Variants in CFAP47 observed in about 807,000 individuals in gnomAD.
CFAP47 encodes the protein cilia- and flagella-associated protein 47.
A neutral mutation model predicts 148.1 loss-of-function variants in CFAP47; 29 were observed. That is an observed-to-expected ratio of 0.20 (90% CI 0.15 to 0.27). CFAP47 has a LOEUF of 0.27. Among genes scored for constraint, CFAP47 ranks in the 10% least tolerant of loss-of-function variants. The pLI is 1.00. For synonymous variants in CFAP47, 664 were observed against 577.3 expected, an observed-to-expected ratio of 1.15 and a Z score of -2.15; for missense variants, 1,872 against 1,697.5, an observed-to-expected ratio of 1.10 and a Z score of -1.81.
At chrX:36,049,146 A>G (rs1321521814) in intron 26 of CFAP47, among the ~76,000 whole-genome samples, 2 of 110,857 alleles carry the variant, frequency 1.8e-5, no homozygotes, top group East Asian at 5.6e-4. Context: ...AATCCGCACA[A>G]TAGTCCTGAG....
intron 11 of CFAP47, 77 bp downstream of exon 11, chrX:35,971,000 T>G (rs1276092432): frequency 5.1e-6 from 4 of 789,301 alleles, no homozygotes; most frequent in African/African-American, 2.2e-5. Flanking sequence ...AACTCCTTGG[T>G]TTCTTTTTAT....
intron 32 of CFAP47, among the ~76,000 whole-genome samples, chrX:36,102,673 C>T (rs1938396364): frequency 9.0e-6 from 1 of 111,337 alleles, no homozygotes; most frequent in Admixed American, 9.5e-5. Flanking sequence ...GAATCCTGAG[C>T]CAGTTCAGGT....
At chrX:35,966,208 TAGCTGC>T (rs1936399768) in intron 8 of CFAP47, among the ~76,000 whole-genome samples, 1 of 111,320 alleles carries the variant, frequency 9.0e-6, no homozygotes, top group South Asian at 3.5e-4. Flanking sequence ...TAAGAAATAT[TAGCTGC>T]TAATATTTAA....
chrX:35,951,112 A>G lies in CFAP47; in HGVS notation c.657-19A>G. The G allele has an allele frequency of 1.8e-6, 2 of 1,101,305 alleles. No homozygotes were observed. Among genetic ancestry groups the G allele is most frequent in the Non-Finnish European group, 2.5e-6 (2 of 796,624 alleles). 90.8% of individuals were successfully genotyped at this position (1,101,305 alleles called of 1,213,427 possible). A position where few individuals can be genotyped will look rare whatever the true frequency, so the allele number is the denominator to read the frequency against. ...CTAATTAAAATATGTATGTATGTGC[A>G]TATCTTATTATCCTGTAGAGTGATT... On this transcript the variant is annotated intron_variant, in intron 4 of 63. Transcript: ENST00000378653.
At chrX:36,347,405 A>G (rs1941707077) in intron 57 of CFAP47, among the ~76,000 whole-genome samples, 2 of 111,799 alleles carry the variant, frequency 1.8e-5, no homozygotes, top group African/African-American at 6.5e-5. Flanking sequence ...TAGAAATACC[A>G]TTTGACCCAG....
intron 49 of CFAP47, among the ~76,000 whole-genome samples, chrX:36,276,054 G>T (rs1030175431): frequency 3.6e-4 from 39 of 107,621 alleles, no homozygotes; most frequent in South Asian, 7.7e-4. Flanking sequence ...ATTTATATAT[G>T]TATATATATA....
intron 22 of CFAP47, among the ~76,000 whole-genome samples, chrX:36,021,134 A>T (rs75515456): frequency 9.0e-6 from 1 of 111,245 alleles, no homozygotes; most frequent in Non-Finnish European, 1.9e-5. Context: ...CCTTAACTTC[A>T]TCCCTCTGCT....
chrX:35,976,011 G>A, intron 15 of CFAP47, 98 bp downstream of exon 15: 1 of 857,137 alleles, frequency 1.2e-6, no homozygotes, highest in Non-Finnish European at 1.7e-6. Context: ...GTGTACTGGT[G>A]CCAAGAGTAT....
chrX:35,993,997 T>C (rs1229086480), intron 18 of CFAP47, among the ~76,000 whole-genome samples: 1 of 111,745 alleles, frequency 8.9e-6, no homozygotes, highest in Non-Finnish European at 1.9e-5. Context: ...GTGTGGTGGC[T>C]CACGCCTGTA....
At chrX:36,115,350 CATATT>C (rs1198571725) in intron 33 of CFAP47, among the ~76,000 whole-genome samples, 2 of 111,724 alleles carry the variant, frequency 1.8e-5, no homozygotes, top group Non-Finnish European at 3.8e-5. Flanking sequence ...GCTCTTTACT[CATATT>C]ATTTATCACA....
intron 49 of CFAP47, among the ~76,000 whole-genome samples, chrX:36,278,330 T>C (rs1329191273): frequency 1.1e-4 from 12 of 112,419 alleles, no homozygotes; most frequent in Non-Finnish European, 2.1e-4. Flanking sequence ...GCTGCTGCCT[T>C]GCAGGTCGAT....
intron 62 of CFAP47, among the ~76,000 whole-genome samples, chrX:36,370,053 T>C (rs1325825870): frequency 8.9e-6 from 1 of 111,926 alleles, no homozygotes; most frequent in East Asian, 2.8e-4. Flanking sequence ...ATGGGTAACA[T>C]AACCAAGTTA....
At chrX:36,105,015 CT>C (rs773082986) in intron 33 of CFAP47, among the ~76,000 whole-genome samples, 6 of 111,832 alleles carry the variant, frequency 5.4e-5, no homozygotes, top group Non-Finnish European at 1.1e-4. Flanking sequence ...ATAGGTGACA[CT>C]GCTCAAACTT....
intron 51 of CFAP47, among the ~76,000 whole-genome samples, chrX:36,297,033 C>G (rs1556006947): frequency 1.8e-5 from 2 of 111,793 alleles, no homozygotes; most frequent in Non-Finnish European, 3.8e-5. Context: ...ATTCATAATT[C>G]TAATGTCTCC....
Position 35,975,739 on chromosome X carries a change from G to C in CFAP47, c.2539G>C (p.Val847Leu). 1 of 1,209,658 alleles carries C rather than the reference G, an allele frequency of 8.3e-7. No homozygotes were observed. The highest frequency in any genetic ancestry group is 1.7e-5 in the African/African-American group (1 of 57,763). The change falls in exon 15 of 64, where the codon GTA becomes CTA. Residue 847 changes from valine (V) to leucine (L), a missense_variant. By Grantham distance (32) the Val-to-Leu change is conservative. Coordinates refer to ENST00000378653, the MANE Select transcript of CFAP47 (RefSeq NM_001304548.2). ...CCTAGTGGTGGCAGTTGTCCAGCCA[G>C]TAACACTTGAGCTATCTTCTAATGA... Reference protein sequence around the residue: ...HILVVAVVQPVTLELSSNELV... With the variant: ...HILVVAVVQPLTLELSSNELV...
At chrX:36,290,019 C>G (rs1233734475) in intron 51 of CFAP47, among the ~76,000 whole-genome samples, 1 of 110,429 alleles carries the variant, frequency 9.1e-6, no homozygotes, top group Non-Finnish European at 1.9e-5. Flanking sequence ...CCCAGTCGTC[C>G]CATTCTCCCT....
intron 49 of CFAP47, among the ~76,000 whole-genome samples, chrX:36,263,235 A>C (rs1298995908): frequency 8.9e-6 from 1 of 111,776 alleles, no homozygotes; most frequent in East Asian, 2.8e-4. Context: ...CTGGCCTATA[A>C]AATTTCCACT....
intron 30 of CFAP47, among the ~76,000 whole-genome samples, chrX:36,085,965 G>A (rs1378000153): frequency 9.1e-6 from 1 of 110,450 alleles, no homozygotes; most frequent in African/African-American, 3.3e-5. Context: ...TGAAAATCCT[G>A]GTCTACAGCA....
At chrX:36,010,485 TCTC>T (rs1937026910) in intron 21 of CFAP47, among the ~76,000 whole-genome samples, 1 of 105,042 alleles carries the variant, frequency 9.5e-6, no homozygotes, top group African/African-American at 3.5e-5. Flanking sequence ...TGAGATGGAG[TCTC>T]GCTCTGTTGC....
Sources: allele counts gnomAD v4.1 joint callset (sites outside exome capture counted in the v4.1 genomes callset), GRCh38; gene constraint gnomAD v4.1.1; transcripts MANE v1.5; gene names NCBI Gene and HGNC (gene_info 2026-07-23, HGNC 2026-07-21).